MCF2: variants seen among roughly 807,000 people sequenced by gnomAD.
MCF2 encodes MCF.2 cell line derived transforming sequence, also known as proto-oncogene DBL.
A neutral mutation model predicts 82.5 loss-of-function variants in MCF2; 44 were observed. That is an observed-to-expected ratio of 0.53 (90% CI 0.42 to 0.69). The LOEUF is 0.69. MCF2 is among the 30% of genes least tolerant of loss of function. MCF2 has a pLI of 0.00. For missense variants in MCF2, 623 were observed against 663.1 expected, an observed-to-expected ratio of 0.94 and a Z score of 0.66; for synonymous variants, 217 against 224.9, an observed-to-expected ratio of 0.96 and a Z score of 0.32.
intron 11 of MCF2, among the ~76,000 whole-genome samples, chrX:139,608,571 C>T (rs371823983): frequency 7.2e-5 from 8 of 111,161 alleles, no homozygotes; most frequent in African/African-American, 2.6e-4. Flanking sequence ...TGCCAAAAGC[C>T]TGACCTCCAA....
intron 1 of MCF2, chrX:139,692,018 C>A: frequency 8.6e-7 from 1 of 1,165,905 alleles, no homozygotes. Context: ...GCAGAGGGAT[C>A]GCCTGGGCTA....
intron 1 of MCF2, among the ~76,000 whole-genome samples, chrX:139,690,331 C>T (rs1427532537): frequency 1.2e-5 from 1 of 81,307 alleles, no homozygotes; most frequent in African/African-American, 4.5e-5. Context: ...TGCATTCCTC[C>T]AAAGGAGTTT....
rs1191113922 is a variant in MCF2 at position 139,642,700 on chromosome X, A to C, written c.-182T>G. 292 of 1,074,903 alleles carry C rather than the reference A, an allele frequency of 2.7e-4. 1 individual carries two copies. The highest frequency in any genetic ancestry group is 3.2e-4 in the Non-Finnish European group (269 of 834,707). The allele number at this position is 1,074,903 out of a possible 1,213,427, so 88.6% of individuals were successfully genotyped here. A position where few individuals can be genotyped will look rare whatever the true frequency, so the allele number is the denominator to read the frequency against. ...TGGGGAGGAAAAAAAAAAAAAAACC[A>C]CTATCCCTGATTAGTCAGCTGACAG... On this transcript the variant is annotated 5_prime_UTR_variant, in exon 1 of 25. Coordinates refer to ENST00000370576, the Ensembl canonical transcript of MCF2.
chrX:139,626,285 T>C, exon 6 of MCF2: 1 of 1,185,171 alleles, frequency 8.4e-7, no homozygotes, highest in South Asian at 1.8e-5. Flanking sequence ...GCTGTTTCCA[T>C]ATCATGTACT....
intron 1 of MCF2, among the ~76,000 whole-genome samples, chrX:139,684,227 G>T (rs1041762811): frequency 1.8e-5 from 2 of 112,303 alleles, no homozygotes; most frequent in Non-Finnish European, 3.8e-5. Flanking sequence ...CACCTGAAAA[G>T]GTGCTCAACA....
chrX:139,671,633 G>T (rs1471517783), intron 1 of MCF2, among the ~76,000 whole-genome samples: 1 of 111,249 alleles, frequency 9.0e-6, no homozygotes, highest in South Asian at 3.8e-4. Flanking sequence ...TAGATGTCTG[G>T]TGTTATTTCT....
chrX:139,644,947 T>C (rs1237620480), upstream of MCF2, among the ~76,000 whole-genome samples: 3 of 111,403 alleles, frequency 2.7e-5, no homozygotes, highest in South Asian at 1.2e-3. Flanking sequence ...TGTGATACCC[T>C]TGTGAGCCTA....
chrX:139,669,135 A>G (rs925105222), intron 1 of MCF2, among the ~76,000 whole-genome samples: 2 of 112,172 alleles, frequency 1.8e-5, no homozygotes, highest in Non-Finnish European at 3.8e-5. Context: ...CAAATCGTAT[A>G]TCTGATAAGG....
Position 139,605,750 on chromosome X carries a change from TCA to T in MCF2, c.1518_1519del (p.Arg508SerfsTer14). ...ATACAGTTCTCGAACATAAACTCTC[TCA>T]GTCTGTATCAGTTCATTTAGTACGT... is the stretch of plus-strand genomic sequence containing the variant. On this transcript the variant is annotated frameshift_variant, in exon 13 of 25. Transcript: ENST00000370576. LOFTEE classifies it high-confidence loss of function. 8.3e-7 allele frequency: 1 copy of T among 1,198,423 alleles called. No homozygotes were observed. Among genetic ancestry groups the T allele is most frequent in the Non-Finnish European group, 1.1e-6 (1 of 888,064 alleles).
At chrX:139,602,003 C>T (rs1386069221) in intron 16 of MCF2, among the ~76,000 whole-genome samples, 1 of 111,217 alleles carries the variant, frequency 9.0e-6, no homozygotes, top group Non-Finnish European at 1.9e-5. Context: ...ATTACGTAGT[C>T]TTAATTTAAT....
chrX:139,587,828 C>T (rs915764971), intron 21 of MCF2, 40 bp from the exon 26 acceptor site: 4 of 858,871 alleles, frequency 4.7e-6, no homozygotes, highest in African/African-American at 2.0e-5. Flanking sequence ...TCAGAAGTCA[C>T]ACTTCTTACT....
At chrX:139,582,331 G>T in exon 25 of MCF2, 1 of 577,696 alleles carries the variant, frequency 1.7e-6, no homozygotes, top group Non-Finnish European at 3.0e-6. Flanking sequence ...AGAAGTATGT[G>T]CTGTGGTTTC....
chrX:139,677,459 C>T lies in MCF2; in HGVS notation c.-44-25671G>A, dbSNP rs1367917771. Among the ~76,000 whole-genome samples, 5 of 112,288 alleles carry T rather than the reference C, an allele frequency of 4.5e-5. No homozygotes were observed. The South Asian group carries it at 1.9e-3, about 42-fold the overall frequency. ...TCGGTCTCTTCTTCTGCCTTATGAC[C>T]TTCAGTTGAATTCTTTCTTCTGAGG... On this transcript the variant is annotated intron_variant, in intron 1 of 27. Coordinates refer to the MCF2 transcript ENST00000414978.
intron 8 of MCF2, among the ~76,000 whole-genome samples, chrX:139,617,300 T>C (rs1480411238): frequency 9.0e-6 from 1 of 111,590 alleles, no homozygotes; most frequent in African/African-American, 3.2e-5. Context: ...CATGAATAGT[T>C]CATTGGTAGA....
At chrX:139,626,586 A>G (rs964151656) in intron 5 of MCF2, 37 bp downstream of exon 8, 2 of 1,155,631 alleles carry the variant, frequency 1.7e-6, no homozygotes, top group Non-Finnish European at 2.3e-6. Context: ...TCAAAAATAT[A>G]AAATAAGTAA....
intron 1 of MCF2, among the ~76,000 whole-genome samples, chrX:139,652,689 C>T (rs1277203481): frequency 9.0e-6 from 1 of 110,889 alleles, no homozygotes; most frequent in Non-Finnish European, 1.9e-5. Context: ...GCTATTTTGG[C>T]TTGTCGGTTT....
At chrX:139,594,626 G>A (rs1356203803) in intron 19 of MCF2, among the ~76,000 whole-genome samples, 1 of 111,371 alleles carries the variant, frequency 9.0e-6, no homozygotes, top group Non-Finnish European at 1.9e-5. Context: ...AAAAATCCTA[G>A]AAGAAAACCT....
Position 139,651,631 on chromosome X carries a change from G to C in MCF2, c.25+89C>G, listed in dbSNP as rs966559885. ...AATATATATAATAGCTCTATATATA[G>C]AGAGCGAGCTATTTATATAATAGGT... is the stretch of plus-strand genomic sequence containing the variant. On this transcript the variant is annotated intron_variant, in intron 2 of 27. Transcript: ENST00000414978. The C allele has an allele frequency of 2.6e-5, 13 of 502,048 alleles. 1 individual carries two copies. Among genetic ancestry groups the C allele is most frequent in the Admixed American group, 3.6e-5 (1 of 27,731 alleles). The allele number at this position is 502,048 out of a possible 1,213,427, so 41.4% of individuals were successfully genotyped here.
At chrX:139,602,045 T>C (rs778975167) in intron 16 of MCF2, among the ~76,000 whole-genome samples, 110 of 111,530 alleles carry the variant, frequency 9.9e-4, no homozygotes, top group African/African-American at 3.0e-3. Context: ...AATTACGATA[T>C]GACTATAGTG....
Sources: gnomAD v4.1 joint callset for allele counts (sites outside exome capture counted in the v4.1 genomes callset) on GRCh38, gnomAD v4.1.1 for gene constraint, MANE v1.5 for transcripts, NCBI Gene and HGNC (gene_info 2026-07-23, HGNC 2026-07-21) for gene names.